Variants in NT5DC1 observed in about 807,000 individuals in gnomAD.
NT5DC1 encodes the protein 5'-nucleotidase domain containing 1, also known as 5'-nucleotidase domain-containing protein 1.
Under a neutral mutation model 59.4 loss-of-function variants are expected in NT5DC1, and 42 were observed. The ratio of observed to expected loss-of-function variants is 0.71; its 90% CI spans 0.55 to 0.92. The LOEUF (loss-of-function observed/expected upper bound fraction) is 0.92, where lower values mean the gene tolerates loss of function less well. Among genes scored for constraint, NT5DC1 ranks in the 40% least tolerant of loss-of-function variants. The pLI is 0.00. For missense variants in NT5DC1, 501 were observed against 537.1 expected (o/e 0.93, Z 0.66); for synonymous variants, 172 against 188.1 (o/e 0.91, Z 0.70).
intron 6 of NT5DC1, among the ~76,000 whole-genome samples, chr6:116,169,231 G>A (rs1226809309): frequency 2.6e-5 from 4 of 152,170 alleles, no homozygotes; most frequent in African/African-American, 9.7e-5. Flanking sequence ...TGGTTCTTCA[G>A]TGCTGTTAAG....
intron 6 of NT5DC1, among the ~76,000 whole-genome samples, chr6:116,161,522 G>A (rs1780330015): frequency 1.3e-5 from 2 of 151,842 alleles, no homozygotes; most frequent in African/African-American, 4.8e-5. Flanking sequence ...TATTTTTGTT[G>A]ACTTTGTTGA....
Position 116,238,368 on chromosome 6 carries a change from C to CCTG in NT5DC1, c.1083+20_1083+21insCTG. On this transcript the variant is annotated intron_variant, in intron 10 of 11. Coordinates refer to ENST00000319550, the MANE Select transcript of NT5DC1 (RefSeq NM_152729.3). ...TATGAGGTAAGGGTTCCCTGCAGCT[C>CCTG]TTTCCTTGAAAGACAAATATTTATG... is the stretch of plus-strand genomic sequence containing the variant. 1 of 1,519,394 alleles carries CCTG rather than the reference C, an allele frequency of 6.6e-7. No individual in the cohort carries two copies. Among genetic ancestry groups the CCTG allele is most frequent in the South Asian group, 1.3e-5 (1 of 76,924 alleles). The allele number at this position is 1,519,394 out of a possible 1,614,324, so 94.1% of individuals were successfully genotyped here.
chr6:116,209,374 A>C (rs561531588), intron 6 of NT5DC1, among the ~76,000 whole-genome samples: 1 of 151,954 alleles, frequency 6.6e-6, no homozygotes, highest in South Asian at 2.1e-4. Context: ...TCCCACACAC[A>C]CTTACTTCTG....
chr6:116,147,428 C>G (rs538254655), intron 6 of NT5DC1, among the ~76,000 whole-genome samples: 1 of 149,146 alleles, frequency 6.7e-6, no homozygotes, highest in Non-Finnish European at 1.5e-5. Context: ...GGCAACAGAG[C>G]GAGACTACAT....
intron 4 of NT5DC1, among the ~76,000 whole-genome samples, chr6:116,111,990 C>G (rs1778886057): frequency 6.6e-6 from 1 of 152,186 alleles, no homozygotes; most frequent in Admixed American, 6.5e-5. Flanking sequence ...AGGCACATAG[C>G]TGAGTGTTTC....
At chr6:116,217,239 C>T (rs1781703388) in intron 6 of NT5DC1, among the ~76,000 whole-genome samples, 1 of 152,162 alleles carries the variant, frequency 6.6e-6, no homozygotes, top group African/African-American at 2.4e-5. Context: ...ATTTGATGTG[C>T]ATATCAGACT....
At chr6:116,236,415 G>A (rs1377438973) in intron 8 of NT5DC1, among the ~76,000 whole-genome samples, 1 of 152,188 alleles carries the variant, frequency 6.6e-6, no homozygotes, top group Non-Finnish European at 1.5e-5. Flanking sequence ...TGTGCTGGGA[G>A]AGGACAACTT....
chr6:116,110,541 G>A (rs1045477319), intron 3 of NT5DC1, among the ~76,000 whole-genome samples: 1 of 152,074 alleles, frequency 6.6e-6, no homozygotes, highest in Non-Finnish European at 1.5e-5. Context: ...ATTGCTCCAG[G>A]TATGTTCATC....
intron 6 of NT5DC1, among the ~76,000 whole-genome samples, chr6:116,166,037 C>T (rs530038829): frequency 1.3e-5 from 2 of 152,268 alleles, no homozygotes; most frequent in African/African-American, 4.8e-5. Flanking sequence ...ACAGCATTGC[C>T]TGGGGTCATG....
In NT5DC1 at chr6:116,121,983, C is replaced by T. The variant is rs369442530; in HGVS notation, c.529+4038C>T. 5.0e-6 allele frequency: 8 copies of T among 1,599,276 alleles called. No individual in the cohort carries two copies. The African/African-American group carries it at 9.4e-5, about 19-fold the overall frequency. ...ATACCTAAAAGACACACCCAACACA[C>T]CCACCCATAGAAGGGGATGGTTAGT... On this transcript the variant is annotated intron_variant, in intron 6 of 11. Transcript: ENST00000319550.
intron 6 of NT5DC1, among the ~76,000 whole-genome samples, chr6:116,208,504 A>G (rs1248268034): frequency 6.6e-6 from 1 of 151,990 alleles, no homozygotes; most frequent in East Asian, 1.9e-4. Flanking sequence ...AAACATTCCT[A>G]TTTCTTGCAC....
intron 2 of NT5DC1, 23 bp downstream of exon 2, chr6:116,106,358 T>G (rs1167836792): frequency 8.9e-7 from 1 of 1,119,838 alleles, no homozygotes; most frequent in Admixed American, 1.8e-5. Context: ...TTTTTTTTTT[T>G]TTTTAAGTCT....
intron 6 of NT5DC1, among the ~76,000 whole-genome samples, chr6:116,162,210 T>C (rs1319452719): frequency 6.6e-6 from 1 of 152,184 alleles, no homozygotes; most frequent in Non-Finnish European, 1.5e-5. Context: ...TGTAAGATTA[T>C]GTCCTCAGTG....
At chr6:116,195,328 C>G (rs1001364464) in intron 6 of NT5DC1, among the ~76,000 whole-genome samples, 4 of 151,938 alleles carry the variant, frequency 2.6e-5, no homozygotes, top group African/African-American at 9.7e-5. Flanking sequence ...TTAATTGACT[C>G]AAACATTGGA....
chr6:116,128,037 A>G (rs971529441), intron 6 of NT5DC1, among the ~76,000 whole-genome samples: 2 of 152,100 alleles, frequency 1.3e-5, no homozygotes, highest in Non-Finnish European at 2.9e-5. Flanking sequence ...GCTGTTCTCC[A>G]TGGTCAGATG....
At chr6:116,231,933 G>T (rs1204812) in intron 8 of NT5DC1, among the ~76,000 whole-genome samples, 49,354 of 152,080 alleles carry the variant, frequency 0.32, 9,750 homozygotes, top group African/African-American at 0.55. Flanking sequence ...ATATTAGTTT[G>T]CTAGGGCTGC....
rs1326576635 is a variant in NT5DC1, at chr6:116,238,310, G to A, written c.1045G>A (p.Glu349Lys). The part of the protein sequence containing the change: ...GDEGTRSQRP[E>K]ESEPLEKKGK... ...TGAAGGCACGAGGAGTCAGAGGCCT[G>A]AGGAGTCAGAGCCTCTAGAGAAGAA... The change falls in exon 10 of 12, where the codon GAG becomes AAG. Residue 349 changes from glutamate to lysine, a missense_variant. Glu to Lys is a moderately conservative substitution (Grantham distance 56). Coordinates refer to ENST00000319550, the MANE Select transcript of NT5DC1 (RefSeq NM_152729.3). 1.9e-6 allele frequency: 3 copies of A among 1,612,748 alleles called. No individual in the cohort carries two copies. Among genetic ancestry groups the A allele is most frequent in the Non-Finnish European group, 2.5e-6 (3 of 1,179,334 alleles).
chr6:116,174,070 T>C (rs746661655), intron 6 of NT5DC1, among the ~76,000 whole-genome samples: 13 of 152,228 alleles, frequency 8.5e-5, no homozygotes, highest in African/African-American at 2.4e-5. Flanking sequence ...ACTGCAGTTG[T>C]GGTTCACTTC....
intron 6 of NT5DC1, among the ~76,000 whole-genome samples, chr6:116,139,705 C>T (rs988560970): frequency 1.3e-5 from 2 of 151,918 alleles, no homozygotes; most frequent in Non-Finnish European, 2.9e-5. Flanking sequence ...AGCTATGGTT[C>T]TTTAGATCTT....
Sources: allele counts gnomAD v4.1 joint callset (sites outside exome capture counted in the v4.1 genomes callset), GRCh38; gene constraint gnomAD v4.1.1; transcripts MANE v1.5; gene names NCBI Gene and HGNC (gene_info 2026-07-23, HGNC 2026-07-21).